The following RXFP1 variants were observed in gnomAD, a reference collection of about 807,000 sequenced individuals.
RXFP1 encodes the protein relaxin family peptide receptor 1.
A neutral mutation model predicts 89.8 loss-of-function variants in RXFP1; 73 were observed. That is an observed-to-expected ratio of 0.81 (90% confidence interval 0.67 to 0.99). RXFP1 has a LOEUF of 0.99. RXFP1 is among the 50% of genes least tolerant of loss of function. The pLI is 0.00. For missense variants in RXFP1, 793 were observed against 895.5 expected, an observed-to-expected ratio of 0.89 and a Z score of 1.46; for synonymous variants, 277 against 305.5, an observed-to-expected ratio of 0.91 and a Z score of 0.97.
chr4:158,555,275 C>T (rs752670830), intron 1 of RXFP1, among the ~76,000 whole-genome samples: 19 of 152,122 alleles, frequency 1.2e-4, no homozygotes, highest in Non-Finnish European at 1.6e-4. Flanking sequence ...TCACTAAGAA[C>T]TTAGTTCCCA....
chr4:158,560,619 A>G (rs1443182553), intron 1 of RXFP1, among the ~76,000 whole-genome samples: 1 of 152,244 alleles, frequency 6.6e-6, no homozygotes, highest in Non-Finnish European at 1.5e-5. Flanking sequence ...GAGTCTGAGT[A>G]GCCTGATGAT....
intron 1 of RXFP1, among the ~76,000 whole-genome samples, chr4:158,538,203 A>G (rs1745722173): frequency 6.6e-6 from 1 of 152,206 alleles, no homozygotes; most frequent in Non-Finnish European, 1.5e-5. Flanking sequence ...TGTCAGTAGA[A>G]GTTTTAGAAG....
chr4:158,549,423 G>T (rs977409878), intron 1 of RXFP1, among the ~76,000 whole-genome samples: 14 of 152,234 alleles, frequency 9.2e-5, no homozygotes, highest in African/African-American at 3.4e-4. Context: ...GGAGTAGTCT[G>T]ATCGTCTGAA....
intron 14 of RXFP1, among the ~76,000 whole-genome samples, chr4:158,643,397 G>T (rs550541533): frequency 6.6e-6 from 1 of 151,378 alleles, no homozygotes; most frequent in East Asian, 1.9e-4. Context: ...TGGGGGTGCA[G>T]ATATCTCTTT....
intron 1 of RXFP1, among the ~76,000 whole-genome samples, chr4:158,546,067 T>A (rs1170380633): frequency 6.6e-6 from 1 of 152,188 alleles, no homozygotes; most frequent in African/African-American, 2.4e-5. Context: ...CGATATTGAT[T>A]CTTCCTATCC....
chr4:158,604,939 G>C (rs1762308575), intron 4 of RXFP1, 129 bp from the exon 5 acceptor site: 3 of 503,534 alleles, frequency 6.0e-6, no homozygotes, highest in Admixed American at 7.0e-5. Flanking sequence ...AAATATGAGA[G>C]AGACATTATG....
At chr4:158,618,459 A>C (rs1201366845) in intron 9 of RXFP1, among the ~76,000 whole-genome samples, 1 of 152,056 alleles carries the variant, frequency 6.6e-6, no homozygotes, top group African/African-American at 2.4e-5. Flanking sequence ...ATATAAAATT[A>C]AAAATTTTGT....
chr4:158,569,892 G>A (rs1754673760), intron 1 of RXFP1, among the ~76,000 whole-genome samples: 1 of 152,188 alleles, frequency 6.6e-6, no homozygotes, highest in Non-Finnish European at 1.5e-5. Flanking sequence ...TTGATTGTTA[G>A]TGTAGATGAG....
At chr4:158,531,338 T>C (rs1743996356) in intron 1 of RXFP1, among the ~76,000 whole-genome samples, 1 of 152,218 alleles carries the variant, frequency 6.6e-6, no homozygotes, top group Non-Finnish European at 1.5e-5. Context: ...TGCCTTTGAC[T>C]CTTCACTGTT....
At chr4:158,575,583 G>A (rs1756026151) in intron 2 of RXFP1, among the ~76,000 whole-genome samples, 1 of 152,150 alleles carries the variant, frequency 6.6e-6, no homozygotes, top group Non-Finnish European at 1.5e-5. Context: ...ATCCTTATGA[G>A]TCCTAAGGGA....
At chr4:158,573,297 C>T (rs190481408) in intron 2 of RXFP1, among the ~76,000 whole-genome samples, 2 of 152,292 alleles carry the variant, frequency 1.3e-5, no homozygotes, top group Non-Finnish European at 2.9e-5. Flanking sequence ...CATGAGCCAC[C>T]GTGCCCACCC....
At chr4:158,546,947 G>A (rs1202839537) in intron 1 of RXFP1, among the ~76,000 whole-genome samples, 2 of 152,000 alleles carry the variant, frequency 1.3e-5, no homozygotes, top group South Asian at 2.1e-4. Context: ...TTGGTATCAG[G>A]ATGATGCTGG....
At chr4:158,605,232 G>T (rs1418333271) in intron 5 of RXFP1, 93 bp downstream of exon 5, 2 of 628,818 alleles carry the variant, frequency 3.2e-6, no homozygotes, top group Non-Finnish European at 5.7e-6. Context: ...ACACTATTCC[G>T]CTGCTTGTGT....
intron 8 of RXFP1, among the ~76,000 whole-genome samples, chr4:158,613,116 T>G (rs570027117): frequency 2.6e-5 from 4 of 152,220 alleles, no homozygotes; most frequent in Non-Finnish European, 4.4e-5. Context: ...TGTTTAAAAA[T>G]GTGCATACCT....
At chr4:158,562,727 A>C (rs1752760556) in intron 1 of RXFP1, among the ~76,000 whole-genome samples, 1 of 151,916 alleles carries the variant, frequency 6.6e-6, no homozygotes, top group South Asian at 2.1e-4. Flanking sequence ...CCGAGTGCAC[A>C]CCCATCCGGG....
intron 1 of RXFP1, among the ~76,000 whole-genome samples, chr4:158,562,257 A>C (rs985945665): frequency 6.6e-6 from 1 of 152,164 alleles, no homozygotes; most frequent in Non-Finnish European, 1.5e-5. Context: ...AATTTATCAC[A>C]GTTTAAAATA....
At chr4:158,596,988 AT>A (rs1010318772) in intron 3 of RXFP1, among the ~76,000 whole-genome samples, 1 of 152,156 alleles carries the variant, frequency 6.6e-6, no homozygotes, top group Non-Finnish European at 1.5e-5. Context: ...AAAAAAAGTA[AT>A]TTTTTTCATC....
intron 13 of RXFP1, 125 bp downstream of exon 13, chr4:158,638,204 A>ATGGTGGAGCT (rs1561185008): frequency 3.5e-5 from 20 of 569,886 alleles, no homozygotes; most frequent in Non-Finnish European, 6.2e-5. Context: ...TAGCTCCACA[A>ATGGTGGAGCT]AAACATATGG....
intron 1 of RXFP1, among the ~76,000 whole-genome samples, chr4:158,567,189 G>A (rs539809340): frequency 4.6e-5 from 7 of 152,172 alleles, no homozygotes; most frequent in Non-Finnish European, 8.8e-5. Context: ...CTCTCACCCC[G>A]CCTTGGGCTC....
Sources: gnomAD v4.1 joint callset for allele counts (sites outside exome capture counted in the v4.1 genomes callset) on GRCh38, gnomAD v4.1.1 for gene constraint, MANE v1.5 for transcripts, NCBI Gene and HGNC (gene_info 2026-07-23, HGNC 2026-07-21) for gene names.